EML6: variants seen among roughly 807,000 people sequenced by gnomAD.
EML6 encodes the protein echinoderm microtubule-associated protein-like 6.
Under a neutral mutation model 240.1 loss-of-function variants are expected in EML6, and 154 were observed. The observed-to-expected ratio is 0.64, with a 90% CI of 0.56 to 0.73. The LOEUF is 0.73. Ranked by LOEUF, EML6 falls within the 30% of genes least tolerant of loss-of-function variation. The pLI is 0.00. For synonymous variants in EML6, 1,148 were observed against 899.0 expected (o/e 1.28, Z -4.95); for missense variants, 2,964 against 2,474.6 (o/e 1.20, Z -4.20).
chr2:54,878,816 G>A (rs1671659707), intron 16 of EML6, among the ~76,000 whole-genome samples: 1 of 152,120 alleles, frequency 6.6e-6, no homozygotes, highest in Admixed American at 6.5e-5. Flanking sequence ...GATGAAGAAA[G>A]ATAAGATAAC....
intron 7 of EML6, among the ~76,000 whole-genome samples, chr2:54,841,460 T>C (rs1216090294): frequency 6.6e-6 from 1 of 152,150 alleles, no homozygotes; most frequent in Non-Finnish European, 1.5e-5. Flanking sequence ...AATGCATTTA[T>C]CTCATTGGAT....
intron 2 of EML6, among the ~76,000 whole-genome samples, chr2:54,784,694 C>CT (rs774138388): frequency 9.9e-5 from 15 of 151,686 alleles, no homozygotes; most frequent in East Asian, 3.9e-4. Flanking sequence ...ATACTGTATT[C>CT]TTTTTTTTTA....
At chr2:54,870,508 A>G (rs13390007) in intron 15 of EML6, among the ~76,000 whole-genome samples, 32,784 of 152,134 alleles carry the variant, frequency 0.22, 3,936 homozygotes, top group Middle Eastern at 0.31. Flanking sequence ...TTATACATGA[A>G]TTTGCTGTCC....
intron 6 of EML6, among the ~76,000 whole-genome samples, chr2:54,828,399 T>TAA (rs1398844445): frequency 3.9e-5 from 6 of 152,220 alleles, no homozygotes; most frequent in African/African-American, 1.2e-4. Context: ...CTACAAATGA[T>TAA]AAAATTGTCC....
At chr2:54,914,558 AAGAGTT>A (rs1673807957) in intron 25 of EML6, among the ~76,000 whole-genome samples, 5 of 2,002 alleles carry the variant, frequency 2.5e-3, no homozygotes, top group Admixed American at 0.024. Flanking sequence ...TCTTGCTCTG[AAGAGTT>A]AAGAGTTAAT....
chr2:54,851,201 G>C (rs964052642), intron 10 of EML6, among the ~76,000 whole-genome samples: 7 of 152,154 alleles, frequency 4.6e-5, no homozygotes, highest in Non-Finnish European at 1.5e-5. Context: ...TTGAGGTCAG[G>C]AGTTCGAAAT....
chr2:54,846,352 A>G (rs552409851), intron 8 of EML6, among the ~76,000 whole-genome samples: 7 of 152,080 alleles, frequency 4.6e-5, no homozygotes, highest in African/African-American at 1.7e-4. Flanking sequence ...ATTTACATAC[A>G]TATATAATTA....
intron 5 of EML6, among the ~76,000 whole-genome samples, chr2:54,822,812 A>G (rs1160124091): frequency 6.6e-6 from 1 of 152,236 alleles, no homozygotes; most frequent in Non-Finnish European, 1.5e-5. Context: ...TTATTTTACA[A>G]CAATATATAT....
Position 54,962,656 on chromosome 2 carries a change from T to G in EML6, c.5102T>G (p.Leu1701Arg). The G allele has an allele frequency of 6.5e-7, 1 of 1,534,018 alleles. No homozygotes were observed. The highest frequency in any genetic ancestry group is 8.8e-7 in the Non-Finnish European group (1 of 1,138,430). ...WGLATHPSKD[L>R]FISASNDGTA... ...CTGGCCACTCACCCTTCCAAGGACC[T>G]CTTCATCTCTGCCAGCAACGATGGC... The change falls in exon 36 of 42, where the codon CTC (leucine) becomes CGC (arginine). Residue 1701 changes from leucine (L) to arginine (R), a missense_variant. Leu to Arg is a moderately radical substitution (Grantham distance 102). Transcript: ENST00000356458.
chr2:54,784,797 A>G (rs766970694), intron 2 of EML6, among the ~76,000 whole-genome samples: 1 of 152,208 alleles, frequency 6.6e-6, no homozygotes, highest in Admixed American at 6.5e-5. Context: ...TAAGCCCCAC[A>G]TGCTATTCTT....
intron 30 of EML6, among the ~76,000 whole-genome samples, chr2:54,952,281 T>C (rs543306922): frequency 1.1e-4 from 16 of 152,252 alleles, no homozygotes; most frequent in African/African-American, 3.9e-4. Context: ...ACCTTCATCA[T>C]TGTGGACTCT....
intron 2 of EML6, among the ~76,000 whole-genome samples, chr2:54,730,782 G>A (rs1416771264): frequency 2.6e-5 from 4 of 152,116 alleles, no homozygotes; most frequent in Non-Finnish European, 4.4e-5. Flanking sequence ...TATTCTCTAA[G>A]TTGGGTGTAA....
chr2:54,732,549 C>T (rs956337486), intron 2 of EML6, among the ~76,000 whole-genome samples: 2 of 152,146 alleles, frequency 1.3e-5, no homozygotes, highest in African/African-American at 4.8e-5. Flanking sequence ...GTTGAAAAGA[C>T]TACTTTTTCT....
intron 7 of EML6, among the ~76,000 whole-genome samples, chr2:54,836,511 G>A (rs1203070031): frequency 6.6e-6 from 1 of 152,206 alleles, no homozygotes; most frequent in Admixed American, 6.5e-5. Flanking sequence ...GTCATAGGCA[G>A]TCCACGCTTA....
At chr2:54,930,917 G>C (rs1056704567) in intron 28 of EML6, among the ~76,000 whole-genome samples, 1 of 151,878 alleles carries the variant, frequency 6.6e-6, no homozygotes, top group African/African-American at 2.4e-5. Context: ...AGTAATTTTA[G>C]GGGAGACTGA....
intron 2 of EML6, among the ~76,000 whole-genome samples, chr2:54,776,065 T>C (rs1668584809): frequency 6.6e-6 from 1 of 152,232 alleles, no homozygotes; most frequent in Non-Finnish European, 1.5e-5. Context: ...CTAGTTTTGA[T>C]AACCATAAGC....
At chr2:54,828,023 C>G (rs944134308) in intron 6 of EML6, among the ~76,000 whole-genome samples, 2 of 152,218 alleles carry the variant, frequency 1.3e-5, no homozygotes, top group African/African-American at 2.4e-5. Context: ...TCATCAGATT[C>G]ATCTTATAGG....
rs915137622 is a variant in EML6 at position 54,970,420 on chromosome 2, G to C, written c.*325G>C. The C allele has an allele frequency of 1.2e-5, 4 of 323,556 alleles. No individual in the cohort carries two copies. The highest frequency in any genetic ancestry group is 2.3e-5 in the Non-Finnish European group (4 of 173,540). The allele number at this position is 323,556 out of a possible 1,614,324, so 20.0% of individuals were successfully genotyped here. On this transcript the variant is annotated 3_prime_UTR_variant, in exon 42 of 42. Coordinates refer to ENST00000356458, the MANE Select transcript of EML6 (RefSeq NM_001039753.4). ...GCCCGCTGACGAATTTTGAAGCCTCGGTTACCCTAACCAATATGTAGCTTT... is the reference window on the plus strand; with the variant it reads ...GCCCGCTGACGAATTTTGAAGCCTCCGTTACCCTAACCAATATGTAGCTTT...
chr2:54,837,100 C>A (rs936275129), intron 7 of EML6, among the ~76,000 whole-genome samples: 6 of 152,172 alleles, frequency 3.9e-5, no homozygotes, highest in African/African-American at 1.4e-4. Context: ...CTCTCTTGTT[C>A]TTATTACCTT....
Sources: allele counts gnomAD v4.1 joint callset (sites outside exome capture counted in the v4.1 genomes callset), GRCh38; gene constraint gnomAD v4.1.1; transcripts MANE v1.5; gene names NCBI Gene and HGNC (gene_info 2026-07-23, HGNC 2026-07-21).